Variants in CNTN2 observed in about 807,000 individuals in gnomAD.
CNTN2 encodes the protein contactin 2, also known as contactin-2.
CNTN2 carries 53 observed loss-of-function variants against 117.5 expected under a neutral mutation model. The observed-to-expected ratio is 0.45, with a 90% confidence interval of 0.36 to 0.57. CNTN2 has a LOEUF of 0.57. CNTN2 is among the 20% of genes least tolerant of loss of function. The pLI is 0.00. For missense variants in CNTN2, 1,106 were observed against 1,404.3 expected (o/e 0.79, Z 3.39); for synonymous variants, 530 against 561.7 (o/e 0.94, Z 0.80).
At chr1:205,047,607 G>A (rs991665683) in intron 1 of CNTN2, among the ~76,000 whole-genome samples, 1 of 152,136 alleles carries the variant, frequency 6.6e-6, no homozygotes, top group Admixed American at 6.5e-5. Flanking sequence ...CTGGGGTGCT[G>A]TGCTAGTGCT....
chr1:205,060,715 C>CAAAAAAAA (rs34919627), intron 7 of CNTN2: 26 of 96,376 alleles, frequency 2.7e-4, no homozygotes, highest in African/African-American at 9.8e-4. Context: ...GACTCCGTCT[C>CAAAAAAAA]AAAAAAAAAA....
rs1338644307 is a variant in CNTN2 at position 205,074,040 on chromosome 1, G to A, written c.*275G>A. 7 of 584,542 alleles carry A rather than the reference G, an allele frequency of 1.2e-5. No individual in the cohort carries two copies. Among genetic ancestry groups the A allele is most frequent in the African/African-American group, 3.7e-5 (2 of 53,680 alleles). 36.2% of individuals were successfully genotyped at this position (584,542 alleles called of 1,614,324 possible). On this transcript the variant is annotated 3_prime_UTR_variant, in exon 23 of 23. Transcript: ENST00000331830. ...ACCTGAGCTCTAGGCTGCCTGGAGGGAAGGAACAGGCCCATGGGAAGAAGG... is the reference window on the plus strand; with the variant it reads ...ACCTGAGCTCTAGGCTGCCTGGAGGAAAGGAACAGGCCCATGGGAAGAAGG...
rs1210573542 is a variant in CNTN2 at position 205,064,720 on chromosome 1, G to T, written c.1489G>T (p.Ala497Ser). 1.9e-6 allele frequency: 3 copies of T among 1,614,146 alleles called. No individual in the cohort carries two copies. The highest frequency in any genetic ancestry group is 2.5e-6 in the Non-Finnish European group (3 of 1,180,016). The change falls in exon 12 of 23, where the codon GCC (alanine) becomes TCC (serine). Residue 497 changes from alanine (A) to serine (S), a missense_variant. Coordinates refer to ENST00000331830, the MANE Select transcript of CNTN2 (RefSeq NM_005076.5). ...CTTTGCTGAGAACTTCATGGGCAAA[G>T]CCAACAGCACTGGAATCCTATCTGT... ...TCFAENFMGK[A>S]NSTGILSVRD... is the part of the protein sequence containing the mutation.
At chr1:205,056,667 G>T (rs1357753698) in intron 2 of CNTN2, among the ~76,000 whole-genome samples, 1 of 152,192 alleles carries the variant, frequency 6.6e-6, no homozygotes, top group African/African-American at 2.4e-5. Context: ...CCTGAAATCA[G>T]CTGCGTTAAG....
At chr1:205,067,785 G>C (rs1424483359) in intron 16 of CNTN2, 1 of 152,588 alleles carries the variant, frequency 6.6e-6, no homozygotes, top group Admixed American at 6.5e-5. Context: ...AAATTAGCCA[G>C]GCGTGGTGAC....
At chr1:205,066,194 T>C (rs977004721) in intron 14 of CNTN2, 7 of 607,612 alleles carry the variant, frequency 1.2e-5, no homozygotes, top group Non-Finnish European at 2.0e-5. Flanking sequence ...CTGGGAGATC[T>C]ATGCACCTCT....
chr1:205,049,281 GACACAC>G (rs3835569), intron 1 of CNTN2, among the ~76,000 whole-genome samples: 9,586 of 120,552 alleles, frequency 0.08, 385 homozygotes, highest in African/African-American at 0.13. Flanking sequence ...CCTCACACCC[GACACAC>G]ACACACACAC....
chr1:205,062,794 C>A, intron 10 of CNTN2: 1 of 369,058 alleles, frequency 2.7e-6, no homozygotes, highest in Non-Finnish European at 4.7e-6. Context: ...CCATGTCTGG[C>A]ACACAGTAAA....
intron 19 of CNTN2, among the ~76,000 whole-genome samples, 188 bp from the exon 20 acceptor site, chr1:205,071,755 CAACA>C (rs1654603179): frequency 2.0e-5 from 3 of 152,162 alleles, no homozygotes; most frequent in African/African-American, 7.2e-5. Flanking sequence ...AACTACGCAC[CAACA>C]GACAGCAGGG....
chr1:205,051,547 C>T (rs1402837133), intron 1 of CNTN2, among the ~76,000 whole-genome samples: 1 of 152,088 alleles, frequency 6.6e-6, no homozygotes, highest in East Asian at 1.9e-4. Context: ...ACCTGGGCAC[C>T]CTGCCTGTCA....
rs1230148468 is a variant in CNTN2 at position 205,059,519 on chromosome 1, C to T, written c.698-64C>T. On this transcript the variant is annotated intron_variant, in intron 6 of 22. Coordinates refer to ENST00000331830, the MANE Select transcript of CNTN2 (RefSeq NM_005076.5). This position sits in a 1 kb window ranked among gnomAD's most constrained non-coding sequence, Gnocchi z 5.6. ...GTTGGCTCTGAAAGGTGCTGAGATC[C>T]CATGCACGGGAGCACCTGACCTGGA... 6.8e-7 allele frequency: 1 copy of T among 1,476,114 alleles called. No individual in the cohort carries two copies. Among genetic ancestry groups the T allele is most frequent in the Non-Finnish European group, 9.5e-7 (1 of 1,055,220 alleles). 91.4% of individuals were successfully genotyped at this position (1,476,114 alleles called of 1,614,324 possible).
intron 21 of CNTN2, 178 bp downstream of exon 21, chr1:205,072,773 CTA>C (rs1654659551): frequency 1.5e-6 from 1 of 675,820 alleles, no homozygotes; most frequent in Admixed American, 2.7e-5. Flanking sequence ...GCAGTAGAAA[CTA>C]TAAAAACGGG....
In CNTN2 at chr1:205,065,905, C is replaced by A. The variant is rs1399128119; in HGVS notation, c.1812C>A (p.Val604=). ...DSASKEATVL[V]RGPPGPPGGV... ...CGTCCAAGGAGGCCACAGTCCTGGTCCGAGGTGAGGGGTTTCCCACCTCTA... is the reference window on the plus strand; with the variant it reads ...CGTCCAAGGAGGCCACAGTCCTGGTACGAGGTGAGGGGTTTCCCACCTCTA... Residue 604 remains valine, a synonymous_variant, in exon 14 of 23, where the codon GTC becomes GTA. Transcript: ENST00000331830. This position sits in a 1 kb window ranked among gnomAD's most constrained non-coding sequence, Gnocchi z 4.1. The A allele has an allele frequency of 6.2e-7, 1 of 1,610,862 alleles. No homozygotes were observed. The highest frequency in any genetic ancestry group is 1.3e-5 in the African/African-American group (1 of 74,984).
At chr1:205,054,335 C>T (rs1558538397) in intron 2 of CNTN2, among the ~76,000 whole-genome samples, 1 of 152,224 alleles carries the variant, frequency 6.6e-6, no homozygotes, top group Non-Finnish European at 1.5e-5. Context: ...GTCCTCACTG[C>T]TTCCCAGTCC....
chr1:205,046,867 A>G (rs2096442337), intron 1 of CNTN2, among the ~76,000 whole-genome samples: 1 of 152,046 alleles, frequency 6.6e-6, no homozygotes, highest in Non-Finnish European at 1.5e-5. Flanking sequence ...CTGGCTTCTG[A>G]TCCTGAGCTT....
rs78736346 is a variant in CNTN2 at position 205,065,505 on chromosome 1, C to T, written c.1695+243C>T. Among the ~76,000 whole-genome samples, 9,128 of 152,220 alleles carry T rather than the reference C, an allele frequency of 0.06. 917 individuals carry two copies. Among genetic ancestry groups the T allele is most frequent in the African/African-American group, 0.21 (8,515 of 41,494 alleles). On this transcript the variant is annotated intron_variant, in intron 13 of 22. Transcript: ENST00000331830. This position sits in a 1 kb window ranked among gnomAD's most constrained non-coding sequence, Gnocchi z 4.1. ...GGAGTTGTGGGCAGCCACCAAGACA[C>T]TCCCACTACTGTTCTTGTTAGCCTG...
At chr1:205,055,202 C>T (rs1188381530) in intron 2 of CNTN2, among the ~76,000 whole-genome samples, 1 of 151,998 alleles carries the variant, frequency 6.6e-6, no homozygotes, top group Non-Finnish European at 1.5e-5. Flanking sequence ...TTGGTAGAGA[C>T]GGGGTTTCAC....
intron 1 of CNTN2, among the ~76,000 whole-genome samples, 186 bp from the exon 2 acceptor site, chr1:205,052,914 C>T (rs1430253119): frequency 1.3e-5 from 2 of 152,220 alleles, no homozygotes; most frequent in East Asian, 1.9e-4. Flanking sequence ...GTAGGAGGCA[C>T]TCAGCCCCAG....
At position 205,057,958 on chromosome 1, in the gene CNTN2, G is replaced by A; in HGVS notation, c.108G>A (p.Gly36=). 6.2e-7 allele frequency: 1 copy of A among 1,614,138 alleles called. No homozygotes were observed. The highest frequency in any genetic ancestry group is 1.3e-5 in the African/African-American group (1 of 75,068). ...SSALGSQTTF[G]PVFEDQPLSV... is the part of the protein sequence containing the mutation. ...CCCTGGGATCCCAAACCACCTTCGG[G>A]CCTGTCTTTGAAGACCAGCCCCTCA... Residue 36 remains glycine, a synonymous_variant, in exon 3 of 23, where the codon GGG becomes GGA. Transcript: ENST00000331830.
Sources: gnomAD v4.1 joint callset for allele counts (sites outside exome capture counted in the v4.1 genomes callset) on GRCh38, gnomAD v4.1.1 for gene constraint, Gnocchi (gnomAD v3.1) non-coding constraint, MANE v1.5 for transcripts, NCBI Gene and HGNC (gene_info 2026-07-23, HGNC 2026-07-21) for gene names.